LYSMD3: variants seen among roughly 807,000 people sequenced by gnomAD.
The protein encoded by LYSMD3 is LysM domain containing 3.
A neutral mutation model predicts 26.1 loss-of-function variants in LYSMD3; 13 were observed. That is an observed-to-expected ratio of 0.50 (90% CI 0.32 to 0.79). The LOEUF (loss-of-function observed/expected upper bound fraction) is 0.79. Among genes scored for constraint, LYSMD3 ranks in the 30% least tolerant of loss-of-function variants. LYSMD3 has a pLI of 0.03. For synonymous variants in LYSMD3, 109 were observed against 119.4 expected (o/e 0.91, Z 0.57); for missense variants, 331 against 362.5 (o/e 0.91, Z 0.71).
At position 90,519,300 on chromosome 5, in the gene LYSMD3, G is replaced by C; in HGVS notation, c.440C>G (p.Ala147Gly). Reference protein sequence around the residue: ...YSSEQQEILPANDSLAYSDSA... With the variant: ...YSSEQQEILPGNDSLAYSDSA... ...GTCACTGTAAGCAAGAGAATCATTAGCTGGCAAAATTTCCTGTTGTTCGGA... is the reference window on the plus strand; with the variant it reads ...GTCACTGTAAGCAAGAGAATCATTACCTGGCAAAATTTCCTGTTGTTCGGA... The change falls in exon 3 of 3, where the codon GCT becomes GGT. Residue 147 changes from alanine to glycine, a missense_variant. Around this residue, in one of 3 missense-constraint regions of LYSMD3, gnomAD observed 262 missense variants for 267.3 expected, o/e 0.98. Coordinates refer to ENST00000315948, the MANE Select transcript of LYSMD3 (RefSeq NM_198273.2). The C allele has an allele frequency of 6.2e-7, 1 of 1,614,026 alleles. No individual in the cohort carries two copies. The highest frequency in any genetic ancestry group is 8.5e-7 in the Non-Finnish European group (1 of 1,179,994).
In LYSMD3 at chr5:90,518,060, A is replaced by C. The variant is rs1272418722; in HGVS notation, c.*759T>G. ...TATTTTTCATCATCAAAACTACAAAAGTGCTTTCAAATATCAGAGGCAAAT... is the reference window on the plus strand; with the variant it reads ...TATTTTTCATCATCAAAACTACAAACGTGCTTTCAAATATCAGAGGCAAAT... On this transcript the variant is annotated 3_prime_UTR_variant, in exon 3 of 3. Transcript: ENST00000315948. 6.6e-5 allele frequency: 10 copies of C among 152,534 alleles called. No individual in the cohort carries two copies. Among genetic ancestry groups the C allele is most frequent in the African/African-American group, 2.4e-4 (10 of 41,452 alleles). The allele number at this position is 152,534 out of a possible 1,614,324, so 9.4% of individuals were successfully genotyped here. A position where few individuals can be genotyped will look rare whatever the true frequency, so the allele number is the denominator to read the frequency against.
chr5:90,524,360 A>G (rs1022938032), intron 2 of LYSMD3, among the ~76,000 whole-genome samples: 1 of 152,190 alleles, frequency 6.6e-6, no homozygotes, highest in Admixed American at 6.5e-5. Flanking sequence ...ATGAGCACAA[A>G]AAAAGGTAAA....
chr5:90,519,105 G>A lies in LYSMD3; in HGVS notation c.635C>T (p.Ala212Val). 1 of 1,614,084 alleles carries A rather than the reference G, an allele frequency of 6.2e-7. No individual in the cohort carries two copies. Among genetic ancestry groups the A allele is most frequent in the Non-Finnish European group, 8.5e-7 (1 of 1,179,994 alleles). The part of the protein sequence containing the change: ...NTQRKDPYYG[A>V]DWGIGWWTAV... The stretch of plus-strand genomic sequence containing the variant: ...TGTCCACCACCCTATTCCCCAGTCT[G>A]CTCCATAATAGGGGTCTTTACGTTG... The change falls in exon 3 of 3, where the codon GCA becomes GTA. Residue 212 changes from alanine (A) to valine (V), a missense_variant. Transcript: ENST00000315948.
At chr5:90,524,613 G>C (rs555219791) in intron 2 of LYSMD3, among the ~76,000 whole-genome samples, 1 of 152,044 alleles carries the variant, frequency 6.6e-6, no homozygotes, top group South Asian at 2.1e-4. Context: ...CTTTTTTGGA[G>C]ACGGAGTCTC....
chr5:90,522,608 T>C (rs1468045301), intron 2 of LYSMD3, among the ~76,000 whole-genome samples: 1 of 152,232 alleles, frequency 6.6e-6, no homozygotes, highest in African/African-American at 2.4e-5. Flanking sequence ...CAGGCCCCTC[T>C]GCTATTCTGT....
rs1398587071 is a variant in LYSMD3 at position 90,517,526 on chromosome 5, G to A, written c.*1293C>T. On this transcript the variant is annotated 3_prime_UTR_variant, in exon 3 of 3. Coordinates refer to ENST00000315948, the MANE Select transcript of LYSMD3 (RefSeq NM_198273.2). ...TAAATGATGGAATCAGTATGCAAAT[G>A]CTTCTTACTTAGCCAGACTGTAGCC... The A allele has an allele frequency of 6.6e-6, 1 of 151,774 alleles. No individual in the cohort carries two copies. The highest frequency in any genetic ancestry group is 1.5e-5 in the Non-Finnish European group (1 of 67,908). 9.4% of individuals were successfully genotyped at this position (151,774 alleles called of 1,614,324 possible).
At position 90,523,643 on chromosome 5, in the gene LYSMD3, T is replaced by C. The variant is rs866653094; in HGVS notation, c.255+1392A>G. On this transcript the variant is annotated intron_variant, in intron 2 of 2. Transcript: ENST00000315948. ...TTTTTTTAAAAATACAAATTTCAGG[T>C]AGCAAATCCTGGTGGTACTTAGAAT... 5.3e-5 allele frequency among the ~76,000 whole-genome samples: 8 copies of C among 152,220 alleles called. 1 individual carries two copies. The South Asian group carries it at 1.4e-3, about 28-fold the overall frequency.
At chr5:90,525,656 G>A (rs1246548592) in intron 1 of LYSMD3, among the ~76,000 whole-genome samples, 1 of 152,072 alleles carries the variant, frequency 6.6e-6, no homozygotes, top group African/African-American at 2.4e-5. Context: ...CACCATGTTG[G>A]CCAGGCTGGT....
Position 90,525,256 on chromosome 5 carries a change from G to C in LYSMD3, c.34C>G (p.Leu12Val), listed in dbSNP as rs1392148128. The change falls in exon 2 of 3, where the codon CTT (leucine) becomes GTT (valine). Residue 12 changes from leucine (L) to valine (V), a missense_variant. By Grantham distance (32) the Leu-to-Val change is conservative. Coordinates refer to ENST00000315948, the MANE Select transcript of LYSMD3 (RefSeq NM_198273.2). ...AGRHQNRSFPLPGVQSSGQVH... is the reference protein window; with the variant it reads ...AGRHQNRSFPVPGVQSSGQVH... ...TGACCACTTGACTGAACTCCTGGAA[G>C]AGGAAAACTACGATTCTGATGCCTC... is the stretch of plus-strand genomic sequence containing the variant. 1 of 1,611,984 alleles carries C rather than the reference G, an allele frequency of 6.2e-7. No individual in the cohort carries two copies. The highest frequency in any genetic ancestry group is 1.3e-5 in the African/African-American group (1 of 74,856).
At position 90,525,210 on chromosome 5, in the gene LYSMD3, C is replaced by G. The variant is rs750800501; in HGVS notation, c.80G>C (p.Cys27Ser). 2 of 1,613,978 alleles carry G rather than the reference C, an allele frequency of 1.2e-6. No homozygotes were observed. Among genetic ancestry groups the G allele is most frequent in the South Asian group, 2.2e-5 (2 of 91,076 alleles). Residue 27 changes from cysteine (C) to serine (S), a missense_variant, in exon 2 of 3, where the codon TGT becomes TCT. Physicochemically the swap from Cys to Ser is moderately radical, Grantham distance 112. Around this residue, in one of 3 missense-constraint regions of LYSMD3, gnomAD observed 262 missense variants for 267.3 expected, o/e 0.98. Transcript: ENST00000315948. The part of the protein sequence containing the change: ...SSGQVHAFGN[C>S]SDSDILEEDA... Reference sequence around the variant, plus strand: ...CTCCTCCAAAATATCACTGTCTGAACAATTTCCAAATGCATGTACTTGACC... The same window carrying G: ...CTCCTCCAAAATATCACTGTCTGAAGAATTTCCAAATGCATGTACTTGACC...
intron 1 of LYSMD3, among the ~76,000 whole-genome samples, chr5:90,525,915 A>G (rs904961891): frequency 4.6e-5 from 7 of 152,232 alleles, no homozygotes; most frequent in South Asian, 4.1e-4. Context: ...TGGTAAAAAT[A>G]TAACTTATAA....
intron 1 of LYSMD3, among the ~76,000 whole-genome samples, chr5:90,528,628 G>A (rs527837620): frequency 2.0e-4 from 31 of 152,254 alleles, no homozygotes; most frequent in Non-Finnish European, 3.2e-4. Context: ...TGACCCAGGC[G>A]ATCACTCCAG....
chr5:90,524,259 G>A (rs1037620045), intron 2 of LYSMD3, among the ~76,000 whole-genome samples: 1 of 152,172 alleles, frequency 6.6e-6, no homozygotes, highest in African/African-American at 2.4e-5. Flanking sequence ...AATGAAAAAT[G>A]CAAGTTGCAG....
At position 90,525,318 on chromosome 5, in the gene LYSMD3, C is replaced by A. The variant is rs766781333; in HGVS notation, c.-11-18G>T. ...GTTAAAATCTGGAGGAAAAAAAAAGCAGAGAAAATTTTGGAATGTAGCTGA... is the reference window on the plus strand; with the variant it reads ...GTTAAAATCTGGAGGAAAAAAAAAGAAGAGAAAATTTTGGAATGTAGCTGA... On this transcript the variant is annotated intron_variant, in intron 1 of 2. Coordinates refer to ENST00000315948, the MANE Select transcript of LYSMD3 (RefSeq NM_198273.2). The A allele has an allele frequency of 1.3e-6, 2 of 1,561,514 alleles. No individual in the cohort carries two copies. Among genetic ancestry groups the A allele is most frequent in the Admixed American group, 3.9e-5 (2 of 50,704 alleles).
rs1358743405 is a variant in LYSMD3 at position 90,529,478 on chromosome 5, G to A, written c.-42C>T. The A allele has an allele frequency of 2.2e-6, 1 of 456,588 alleles. No individual in the cohort carries two copies. Among genetic ancestry groups the A allele is most frequent in the Non-Finnish European group, 4.4e-6 (1 of 226,986 alleles). 28.3% of individuals were successfully genotyped at this position (456,588 alleles called of 1,614,324 possible). Reference sequence around the variant, plus strand: ...CCCGTTAGCAGGGAGCACTCTGCGAGAAGATGGCCAAAAGGTCCGCCGCCG... The same window carrying A: ...CCCGTTAGCAGGGAGCACTCTGCGAAAAGATGGCCAAAAGGTCCGCCGCCG... On this transcript the variant is annotated 5_prime_UTR_variant, in exon 1 of 3. Transcript: ENST00000315948.
chr5:90,517,360 AAAT>A lies in LYSMD3; in HGVS notation c.*1456_*1458del, dbSNP rs1351853219. On this transcript the variant is annotated 3_prime_UTR_variant, in exon 3 of 3. Transcript: ENST00000315948. ...AAAGCCTGAAACATCAACAATTAGG[AAAT>A]AATGCCCAGAAAATGAGGTGGTATT... is the stretch of plus-strand genomic sequence containing the variant. The A allele has an allele frequency of 6.6e-6, 1 of 152,066 alleles. No homozygotes were observed. The highest frequency in any genetic ancestry group is 2.4e-5 in the African/African-American group (1 of 41,448). 9.4% of individuals were successfully genotyped at this position (152,066 alleles called of 1,614,324 possible). A position where few individuals can be genotyped will look rare whatever the true frequency, so the allele number is the denominator to read the frequency against.
At chr5:90,523,358 G>C (rs1753139755) in intron 2 of LYSMD3, among the ~76,000 whole-genome samples, 2 of 151,716 alleles carry the variant, frequency 1.3e-5, no homozygotes, top group Admixed American at 1.3e-4. Context: ...GTGAATTATT[G>C]CAATAGTTGC....
At chr5:90,522,795 G>A (rs1288541337) in intron 2 of LYSMD3, among the ~76,000 whole-genome samples, 2 of 152,138 alleles carry the variant, frequency 1.3e-5, no homozygotes, top group African/African-American at 4.8e-5. Context: ...ACTCACTTCG[G>A]AAATAACTAT....
Position 90,525,303 on chromosome 5 carries a change from G to A in LYSMD3, c.-11-3C>T. On this transcript the variant is annotated splice_polypyrimidine_tract_variant and splice_region_variant and intron_variant, in intron 1 of 2. Transcript: ENST00000315948. ...CCTCCCTGCCATAATGTTAAAATCTGGAGGAAAAAAAAAGCAGAGAAAATT... is the reference window on the plus strand; with the variant it reads ...CCTCCCTGCCATAATGTTAAAATCTAGAGGAAAAAAAAAGCAGAGAAAATT... 6.4e-7 allele frequency: 1 copy of A among 1,566,686 alleles called. No individual in the cohort carries two copies. The highest frequency in any genetic ancestry group is 8.6e-7 in the Non-Finnish European group (1 of 1,160,660).
Sources: allele counts gnomAD v4.1 joint callset (sites outside exome capture counted in the v4.1 genomes callset), GRCh38; gene constraint gnomAD v4.1.1; regional missense constraint gnomAD v4.1.1; transcripts MANE v1.5; gene names NCBI Gene and HGNC (gene_info 2026-07-23, HGNC 2026-07-21).